The following INSR variants were observed in gnomAD, a reference collection of about 807,000 sequenced individuals.
INSR encodes the protein IR.
In INSR, 67 loss-of-function variants were observed where a neutral mutation model predicts 142.6. The ratio of observed to expected loss-of-function variants is 0.47; its 90% CI spans 0.39 to 0.58. The LOEUF (loss-of-function observed/expected upper bound fraction) is 0.58. INSR is among the 20% of genes least tolerant of loss of function. INSR has a pLI of 0.00. For synonymous variants in INSR, 756 were observed against 743.1 expected, an observed-to-expected ratio of 1.02 and a Z score of -0.28; for missense variants, 1,248 against 1,833.2, an observed-to-expected ratio of 0.68 and a Z score of 5.83.
intron 1 of INSR, among the ~76,000 whole-genome samples, chr19:7,284,532 TTTG>T (rs1968293744): frequency 1.3e-5 from 2 of 151,884 alleles, no homozygotes; most frequent in South Asian, 4.2e-4. Context: ...CTCAGGTTTT[TTTG>T]TTGTTGTTTT....
At chr19:7,194,047 A>G (rs1974671680) in intron 2 of INSR, among the ~76,000 whole-genome samples, 1 of 152,218 alleles carries the variant, frequency 6.6e-6, no homozygotes, top group African/African-American at 2.4e-5. Context: ...AATGTTATTG[A>G]TCAGTTACAT....
At chr19:7,186,873 T>A (rs555760635) in intron 2 of INSR, among the ~76,000 whole-genome samples, 60 of 150,852 alleles carry the variant, frequency 4.0e-4, no homozygotes, top group African/African-American at 1.4e-3. Flanking sequence ...CCCAGCTAAT[T>A]TTTGTATTTT....
At chr19:7,243,314 C>T (rs370267834) in intron 2 of INSR, among the ~76,000 whole-genome samples, 2 of 131,278 alleles carry the variant, frequency 1.5e-5, no homozygotes, top group African/African-American at 5.7e-5. Context: ...GGTGCGATCT[C>T]GGCTCACTGC....
At chr19:7,209,633 C>T (rs988322911) in intron 2 of INSR, among the ~76,000 whole-genome samples, 23 of 151,852 alleles carry the variant, frequency 1.5e-4, no homozygotes, top group African/African-American at 4.3e-4. Flanking sequence ...AGGCTGGTCT[C>T]GAACTCCTGG....
intron 2 of INSR, among the ~76,000 whole-genome samples, chr19:7,235,345 G>A (rs1164621694): frequency 6.6e-6 from 1 of 152,070 alleles, no homozygotes; most frequent in Non-Finnish European, 1.5e-5. Context: ...CTTACTCCTT[G>A]TGTCTGAAGA....
At chr19:7,236,052 C>T (rs1238068641) in intron 2 of INSR, among the ~76,000 whole-genome samples, 2 of 149,230 alleles carry the variant, frequency 1.3e-5, no homozygotes, top group Admixed American at 1.4e-4. Context: ...CAGCTCACTG[C>T]AACCTCCACC....
chr19:7,139,533 A>G (rs938006385), intron 13 of INSR, among the ~76,000 whole-genome samples: 8 of 152,210 alleles, frequency 5.3e-5, no homozygotes, highest in Admixed American at 1.3e-4. Flanking sequence ...ACTCATGAAT[A>G]TGGATTAGAG....
chr19:7,153,325 C>T (rs1973477598), intron 9 of INSR, among the ~76,000 whole-genome samples: 2 of 147,480 alleles, frequency 1.4e-5, no homozygotes, highest in African/African-American at 2.6e-5. Context: ...ACACACACCA[C>T]ACACACCCAC....
rs1317540473 is a variant in INSR at position 7,113,107 on chromosome 19, G to A, written c.*3949C>T. ...CCCTAAACTTCCACCCACTGTGAAG[G>A]AGAGAAATGATTAGCACTGGGACTA... On this transcript the variant is annotated 3_prime_UTR_variant, in exon 22 of 22. Transcript: ENST00000302850. 1 of 152,176 alleles carries A rather than the reference G, an allele frequency of 6.6e-6. No individual in the cohort carries two copies. Among genetic ancestry groups the A allele is most frequent in the Non-Finnish European group, 1.5e-5 (1 of 68,056 alleles). The allele number at this position is 152,176 out of a possible 1,614,324, so 9.4% of individuals were successfully genotyped here.
chr19:7,229,760 C>CCTT (rs1975909518), intron 2 of INSR, among the ~76,000 whole-genome samples: 1 of 87,500 alleles, frequency 1.1e-5, no homozygotes, highest in Non-Finnish European at 2.2e-5. Flanking sequence ...CATTTACAGT[C>CCTT]TTTTTTTTTT....
At chr19:7,175,998 C>T (rs1222236484) in intron 3 of INSR, among the ~76,000 whole-genome samples, 1 of 152,144 alleles carries the variant, frequency 6.6e-6, no homozygotes, top group Non-Finnish European at 1.5e-5. Flanking sequence ...TCATATTTTA[C>T]CCCAAAGTGA....
At chr19:7,210,051 G>C (rs1464075034) in intron 2 of INSR, among the ~76,000 whole-genome samples, 1 of 151,954 alleles carries the variant, frequency 6.6e-6, no homozygotes. Flanking sequence ...ATTACTAAGG[G>C]AGAACGCCAA....
chr19:7,224,697 T>G (rs1430209791), intron 2 of INSR, among the ~76,000 whole-genome samples: 2 of 152,130 alleles, frequency 1.3e-5, no homozygotes, highest in Non-Finnish European at 2.9e-5. Context: ...CCCGAGGAAA[T>G]GCACCGTGGT....
intron 2 of INSR, among the ~76,000 whole-genome samples, chr19:7,201,693 C>T (rs79441499): frequency 0.39 from 49,005 of 126,116 alleles, 10,095 homozygotes; most frequent in East Asian, 0.46. Flanking sequence ...GTTGGAGTCT[C>T]ACTCTGTCGC....
rs13306449 is a variant in INSR at position 7,117,123 on chromosome 19, T to C, written c.4082A>G (p.Tyr1361Cys). Reference protein sequence around the residue: ...FKRSYEEHIPYTHMNGGKKNG... With the variant: ...FKRSYEEHIPCTHMNGGKKNG... ...TTTCTTGCCTCCGTTCATGTGTGTGTAAGGGATGTGTTCCTCGTAGCTCCG... is the reference window on the plus strand; with the variant it reads ...TTTCTTGCCTCCGTTCATGTGTGTGCAAGGGATGTGTTCCTCGTAGCTCCG... Residue 1361 changes from tyrosine to cysteine, a missense_variant, in exon 22 of 22, where the codon TAC becomes TGC. This residue lies in a region of INSR where 122 missense variants were observed against 129.8 expected (regional missense o/e 0.94). Transcript: ENST00000302850. 9.6e-5 allele frequency: 155 copies of C among 1,614,150 alleles called. 1 individual carries two copies. In the East Asian group the frequency reaches 3.5e-3, roughly 36 times the overall value.
intron 2 of INSR, among the ~76,000 whole-genome samples, chr19:7,198,644 G>C (rs1001463951): frequency 3.3e-5 from 5 of 152,068 alleles, no homozygotes; most frequent in African/African-American, 1.2e-4. Context: ...ACATTGCAGG[G>C]GGGGAGGGTC....
At chr19:7,212,968 A>T (rs751075441) in intron 2 of INSR, among the ~76,000 whole-genome samples, 15 of 152,130 alleles carry the variant, frequency 9.9e-5, no homozygotes, top group Non-Finnish European at 1.8e-4. Context: ...CCTACAGCAC[A>T]CAAGGATCCC....
In INSR at chr19:7,116,582, C is replaced by G. The variant is rs1972331377; in HGVS notation, c.*474G>C. ...CCAAAAAAACCATCTTGAAGCTCAA[C>G]CTGTAAAACTTGAAATTCTCCTGGA... On this transcript the variant is annotated 3_prime_UTR_variant, in exon 22 of 22. Transcript: ENST00000302850. The G allele has an allele frequency of 6.7e-6, 1 of 149,654 alleles. No homozygotes were observed. 9.3% of individuals were successfully genotyped at this position (149,654 alleles called of 1,614,324 possible).
At chr19:7,246,702 G>C (rs910292857) in intron 2 of INSR, among the ~76,000 whole-genome samples, 5 of 152,188 alleles carry the variant, frequency 3.3e-5, no homozygotes, top group African/African-American at 4.8e-5. Context: ...TATGTTTCAG[G>C]GTGGTTTGTT....
Sources: allele counts gnomAD v4.1 joint callset (sites outside exome capture counted in the v4.1 genomes callset), GRCh38; gene constraint gnomAD v4.1.1; regional missense constraint gnomAD v4.1.1; transcripts MANE v1.5; gene names NCBI Gene and HGNC (gene_info 2026-07-23, HGNC 2026-07-21).